Variants in SPATA6L observed in about 807,000 individuals in gnomAD.
The protein encoded by SPATA6L is spermatogenesis associated 6-like protein.
SPATA6L carries 68 observed loss-of-function variants against 49.2 expected under a neutral mutation model. The observed-to-expected ratio is 1.38, with a 90% CI of 1.14 to 1.69. The LOEUF (loss-of-function observed/expected upper bound fraction) is 1.69. Among genes scored for constraint, SPATA6L ranks in the 40% most tolerant of loss-of-function variants. The probability of loss-of-function intolerance (pLI) is 0.00; values close to 1 mark genes in which losing one functional copy is unlikely to be tolerated. For missense variants in SPATA6L, 668 were observed against 464.3 expected, an observed-to-expected ratio of 1.44 and a Z score of -4.03; for synonymous variants, 198 against 165.7, an observed-to-expected ratio of 1.19 and a Z score of -1.50.
At position 4,617,977 on chromosome 9, in the gene SPATA6L, G is replaced by A. The variant is rs575053153; in HGVS notation, c.941C>T (p.Thr314Ile). The part of the protein sequence containing the change: ...ADFHGKASFA[T>I]YQHSTSPGPL... The stretch of plus-strand genomic sequence containing the variant: ...GCCAGGAGAGGTGGAATGCTGGTAG[G>A]TGGCAAATGAAGCTTTCCCGTGGAA... The change falls in exon 9 of 12, where the codon ACC becomes ATC. Residue 314 changes from threonine to isoleucine, a missense_variant. Thr to Ile is a moderately conservative substitution (Grantham distance 89, BLOSUM62 -1). Coordinates refer to ENST00000682582, the MANE Select transcript of SPATA6L (RefSeq NM_001353486.2). 1.9e-5 allele frequency: 30 copies of A among 1,614,050 alleles called. No individual in the cohort carries two copies. The South Asian group carries it at 3.2e-4, about 17-fold the overall frequency.
At chr9:4,615,871 C>G (rs1242122918) in intron 9 of SPATA6L, among the ~76,000 whole-genome samples, 1 of 152,174 alleles carries the variant, frequency 6.6e-6, no homozygotes, top group African/African-American at 2.4e-5. Context: ...ATACCAGGCA[C>G]AGAGACAAAA....
In SPATA6L at chr9:4,635,321, G is replaced by A. The variant is rs371979439; in HGVS notation, c.305C>T (p.Pro102Leu). ...FPEPKLTPSH[P>L]RRCREVLMKT... Reference sequence around the variant, plus strand: ...CATGAGCACCTCCCTACACCTCCTAGGGTGCGAAGGTGTCAGCTTGGGCTC... The same window carrying A: ...CATGAGCACCTCCCTACACCTCCTAAGGTGCGAAGGTGTCAGCTTGGGCTC... The change falls in exon 4 of 12, where the codon CCT becomes CTT. Residue 102 changes from proline to leucine, a missense_variant. Coordinates refer to ENST00000682582, the MANE Select transcript of SPATA6L (RefSeq NM_001353486.2). 1.9e-6 allele frequency: 3 copies of A among 1,586,056 alleles called. No individual in the cohort carries two copies. The highest frequency in any genetic ancestry group is 2.3e-5 in the South Asian group (2 of 86,912).
intron 3 of SPATA6L, among the ~76,000 whole-genome samples, chr9:4,644,394 A>G (rs1400839482): frequency 2.0e-5 from 3 of 151,656 alleles, no homozygotes; most frequent in Non-Finnish European, 4.4e-5. Context: ...AAACAACAAT[A>G]TAATGGTGAC....
At chr9:4,639,223 C>G (rs1040617098) in intron 3 of SPATA6L, among the ~76,000 whole-genome samples, 22 of 152,168 alleles carry the variant, frequency 1.4e-4, no homozygotes, top group African/African-American at 5.3e-4. Flanking sequence ...CTGTAAACAT[C>G]ATTATGTTCC....
Position 4,662,031 on chromosome 9 carries a change from A to G in SPATA6L, c.45T>C (p.Ser15=). 1 of 1,613,194 alleles carries G rather than the reference A, an allele frequency of 6.2e-7. No homozygotes were observed. The highest frequency in any genetic ancestry group is 8.5e-7 in the Non-Finnish European group (1 of 1,179,720). Residue 15 remains serine, a synonymous_variant, in exon 2 of 12, where the codon TCT becomes TCC. Coordinates refer to ENST00000682582, the MANE Select transcript of SPATA6L (RefSeq NM_001353486.2). The surrounding 1 kb of genome is among the most constrained non-coding windows in gnomAD (Gnocchi z 4.9). ...TGCCAGGCAGGAACACTCCTGGGCA[A>G]GAAATCTTAAAAAGAAAGAAAACAA... ...VVVELQIRAI[S]CPGVFLPGKQ... is the part of the protein sequence containing the mutation.
intron 3 of SPATA6L, among the ~76,000 whole-genome samples, chr9:4,650,359 T>C (rs1454614017): frequency 6.6e-6 from 1 of 152,082 alleles, no homozygotes; most frequent in Non-Finnish European, 1.5e-5. Flanking sequence ...AGCTTAAAAA[T>C]GTAAATAAAA....
intron 2 of SPATA6L, among the ~76,000 whole-genome samples, chr9:4,659,261 C>T (rs1185790834): frequency 6.6e-6 from 1 of 152,182 alleles, no homozygotes; most frequent in Non-Finnish European, 1.5e-5. Flanking sequence ...CTGTCAACCT[C>T]AGGTTGAAAC....
At chr9:4,615,136 G>C (rs1281496284) in intron 9 of SPATA6L, among the ~76,000 whole-genome samples, 3 of 152,106 alleles carry the variant, frequency 2.0e-5, no homozygotes, top group Non-Finnish European at 4.4e-5. Flanking sequence ...CTCTCCTCAA[G>C]GCCACATGAA....
intron 1 of SPATA6L, chr9:4,664,562 C>T (rs1840574623): frequency 1.8e-5 from 3 of 167,058 alleles, no homozygotes; most frequent in Non-Finnish European, 4.4e-5. Context: ...GGACTCTGCT[C>T]ATTATTCTTT....
chr9:4,622,589 T>TC, intron 6 of SPATA6L, 79 bp from the exon 7 acceptor site: 2 of 939,452 alleles, frequency 2.1e-6, no homozygotes, highest in African/African-American at 1.6e-5. Flanking sequence ...AATGCCTGTC[T>TC]CCCCCTCAAT....
intron 9 of SPATA6L, among the ~76,000 whole-genome samples, chr9:4,605,951 C>T (rs376055133): frequency 2.3e-3 from 352 of 152,192 alleles, no homozygotes; most frequent in South Asian, 2.9e-3. Context: ...CCAGTGTGTG[C>T]GCGCACCGTG....
chr9:4,632,195 T>C (rs957170460), intron 4 of SPATA6L, among the ~76,000 whole-genome samples: 2 of 151,762 alleles, frequency 1.3e-5, no homozygotes, highest in Non-Finnish European at 2.9e-5. Flanking sequence ...AATTTTTGTA[T>C]TTTCAGTAGA....
In SPATA6L at chr9:4,619,814, C is replaced by T. The variant is rs73387249; in HGVS notation, c.773-916G>A. ...CATGATAGGCAAGCAGACCTAATGCCGAAGTATGGCAAGGATGACTAGGAA... is the reference window on the plus strand; with the variant it reads ...CATGATAGGCAAGCAGACCTAATGCTGAAGTATGGCAAGGATGACTAGGAA... On this transcript the variant is annotated intron_variant, in intron 7 of 11. Transcript: ENST00000682582. Among the ~76,000 whole-genome samples, 921 of 151,860 alleles carry T rather than the reference C, an allele frequency of 6.1e-3. 9 individuals carry two copies. Among genetic ancestry groups the T allele is most frequent in the African/African-American group, 0.021 (887 of 41,376 alleles).
chr9:4,602,398 C>G (rs301451), intron 11 of SPATA6L, among the ~76,000 whole-genome samples: 125,284 of 152,050 alleles, frequency 0.82, 51,778 homozygotes, highest in Middle Eastern at 0.94. Context: ...GTAGAAGCCT[C>G]CAGAATGGGC....
chr9:4,600,855 A>T (rs1282231636), intron 11 of SPATA6L, 46 bp from the exon 12 acceptor site: 2 of 152,220 alleles, frequency 1.3e-5, no homozygotes, highest in Admixed American at 1.3e-4. Flanking sequence ...ATTGAGAAAA[A>T]GGCAAACAAT....
chr9:4,625,531 T>TGTA lies in SPATA6L; in HGVS notation c.462_464dup (p.Thr155dup). The TGTA allele has an allele frequency of 6.2e-7, 1 of 1,611,126 alleles. No homozygotes were observed. The highest frequency in any genetic ancestry group is 8.5e-7 in the Non-Finnish European group (1 of 1,178,594). Reference sequence around the variant, plus strand: ...TTAAGGGAAATATTGGTTCATGTGATGTAGATAAAGGCCTCCGTGACTCAT... The same window carrying TGTA: ...TTAAGGGAAATATTGGTTCATGTGATGTAGTAGATAAAGGCCTCCGTGACTCAT... On this transcript the variant is annotated inframe_insertion, in exon 6 of 12. Transcript: ENST00000682582.
At chr9:4,633,018 CA>C (rs896742999) in intron 4 of SPATA6L, 13 of 152,352 alleles carry the variant, frequency 8.5e-5, no homozygotes, top group East Asian at 1.9e-4. Context: ...AACAAACAAA[CA>C]AAAAAAGAGA....
chr9:4,641,070 G>T (rs937191073), intron 3 of SPATA6L, among the ~76,000 whole-genome samples: 6 of 152,088 alleles, frequency 3.9e-5, no homozygotes, highest in Non-Finnish European at 7.4e-5. Flanking sequence ...AGGTGTGTGT[G>T]TATATATGTT....
intron 13 of SPATA6L, among the ~76,000 whole-genome samples, chr9:4,591,754 G>C (rs754260996): frequency 2.6e-5 from 4 of 152,174 alleles, no homozygotes; most frequent in Non-Finnish European, 5.9e-5. Flanking sequence ...GAAAAAATTA[G>C]ACATGCAAAT....
Sources: allele counts gnomAD v4.1 joint callset (sites outside exome capture counted in the v4.1 genomes callset), GRCh38; gene constraint gnomAD v4.1.1; non-coding constraint Gnocchi (gnomAD v3.1); transcripts MANE v1.5; gene names NCBI Gene and HGNC (gene_info 2026-07-23, HGNC 2026-07-21).